The following LRRTM3 variants were observed in gnomAD, a reference collection of about 807,000 sequenced individuals.
The protein encoded by LRRTM3 is leucine-rich repeat transmembrane neuronal protein 3.
In LRRTM3, 24 loss-of-function variants were observed where a neutral mutation model predicts 44.7. The observed-to-expected ratio is 0.54, with a 90% CI of 0.39 to 0.76. The LOEUF (loss-of-function observed/expected upper bound fraction) is 0.76, where lower values mean the gene tolerates loss of function less well. Ranked by LOEUF, LRRTM3 falls within the 30% of genes least tolerant of loss-of-function variation. LRRTM3 has a pLI of 0.00. For synonymous variants in LRRTM3, 277 were observed against 278.7 expected (o/e 0.99, Z 0.06); for missense variants, 587 against 702.2 (o/e 0.84, Z 1.85).
intron 2 of LRRTM3, among the ~76,000 whole-genome samples, chr10:66,943,415 C>T (rs1427788572): frequency 2.0e-5 from 3 of 151,838 alleles, no homozygotes; most frequent in Non-Finnish European, 4.4e-5. Context: ...AAAAGACCAT[C>T]TTTTTATGGT....
chr10:67,079,858 A>AAC (rs199928311), intron 2 of LRRTM3, among the ~76,000 whole-genome samples: 4,882 of 141,140 alleles, frequency 0.035, 120 homozygotes, highest in Admixed American at 0.078. Context: ...AAAAAAACAA[A>AAC]ACACACACAC....
At chr10:66,959,599 T>C (rs1216133959) in intron 2 of LRRTM3, among the ~76,000 whole-genome samples, 1 of 152,112 alleles carries the variant, frequency 6.6e-6, no homozygotes, top group South Asian at 2.1e-4. Context: ...CTGGTGAAAG[T>C]AGATGATTTC....
At chr10:66,938,201 C>T (rs1212732102) in intron 2 of LRRTM3, among the ~76,000 whole-genome samples, 1 of 152,060 alleles carries the variant, frequency 6.6e-6, no homozygotes, top group Non-Finnish European at 1.5e-5. Context: ...CACTTTTTCA[C>T]TATGTACACT....
chr10:67,052,314 C>CTCTG (rs1491225688), intron 2 of LRRTM3, among the ~76,000 whole-genome samples: 2 of 27,414 alleles, frequency 7.3e-5, no homozygotes, highest in African/African-American at 2.7e-4. Flanking sequence ...CCACTCATCA[C>CTCTG]TCTCTCTCTC....
intron 2 of LRRTM3, among the ~76,000 whole-genome samples, chr10:67,000,306 G>A (rs1305404473): frequency 6.6e-6 from 1 of 152,192 alleles, no homozygotes; most frequent in African/African-American, 2.4e-5. Flanking sequence ...AGTGATTGAG[G>A]TAAGAAAAGG....
intron 2 of LRRTM3, among the ~76,000 whole-genome samples, chr10:67,031,538 A>G (rs1379460167): frequency 1.3e-5 from 2 of 152,212 alleles, no homozygotes; most frequent in African/African-American, 2.4e-5. Context: ...TAATGTCACT[A>G]AAAGACTGAC....
intron 2 of LRRTM3, among the ~76,000 whole-genome samples, chr10:67,066,035 A>T (rs1331977134): frequency 6.6e-6 from 1 of 152,010 alleles, no homozygotes; most frequent in Non-Finnish European, 1.5e-5. Context: ...CATTTTAGAG[A>T]ACTGATGATC....
chr10:67,084,020 T>G (rs4745926), intron 2 of LRRTM3, among the ~76,000 whole-genome samples: 116,088 of 152,076 alleles, frequency 0.76, 44,983 homozygotes, highest in Middle Eastern at 0.9. Flanking sequence ...AGGAAGAGGT[T>G]CGTTGCTTTG....
intron 2 of LRRTM3, among the ~76,000 whole-genome samples, chr10:66,972,093 G>A (rs1382831630): frequency 6.6e-6 from 1 of 151,930 alleles, no homozygotes; most frequent in Non-Finnish European, 1.5e-5. Context: ...TTTAAGCTTT[G>A]TTTAGTGTTG....
chr10:66,991,456 T>C (rs1564816953), intron 2 of LRRTM3, among the ~76,000 whole-genome samples: 1 of 152,214 alleles, frequency 6.6e-6, no homozygotes, highest in East Asian at 1.9e-4. Flanking sequence ...TCTCTATTTA[T>C]TTTGATTTTT....
intron 2 of LRRTM3, among the ~76,000 whole-genome samples, chr10:66,986,908 A>T (rs1850758859): frequency 6.6e-6 from 1 of 152,148 alleles, no homozygotes; most frequent in East Asian, 1.9e-4. Flanking sequence ...AATAGCCAAA[A>T]ATCACTGTCT....
intron 2 of LRRTM3, among the ~76,000 whole-genome samples, chr10:67,056,894 G>A (rs1855465196): frequency 1.3e-5 from 2 of 152,146 alleles, no homozygotes; most frequent in Non-Finnish European, 2.9e-5. Context: ...GAGAGAGCAA[G>A]GATTATGTGG....
intron 2 of LRRTM3, among the ~76,000 whole-genome samples, chr10:67,047,433 G>A (rs1854822765): frequency 6.6e-6 from 1 of 152,086 alleles, no homozygotes; most frequent in South Asian, 2.1e-4. Flanking sequence ...AAGTGTGAAA[G>A]AAAAACATTA....
chr10:67,041,569 G>A (rs1478704395), intron 2 of LRRTM3, among the ~76,000 whole-genome samples: 2 of 152,054 alleles, frequency 1.3e-5, no homozygotes, highest in African/African-American at 4.8e-5. Flanking sequence ...GTAATTGACT[G>A]GCTCATAAAA....
At chr10:67,087,133 G>A (rs1053045661) in intron 2 of LRRTM3, among the ~76,000 whole-genome samples, 5 of 152,104 alleles carry the variant, frequency 3.3e-5, no homozygotes, top group African/African-American at 9.6e-5. Flanking sequence ...GCAGGCACTG[G>A]GCTGTGCAGA....
chr10:66,989,487 A>G (rs185669490), intron 2 of LRRTM3, among the ~76,000 whole-genome samples: 244 of 152,320 alleles, frequency 1.6e-3, no homozygotes, highest in African/African-American at 5.0e-3. Context: ...AGTGCTGCAG[A>G]TGCCACACTA....
intron 2 of LRRTM3, among the ~76,000 whole-genome samples, chr10:66,949,501 T>C (rs948460151): frequency 6.6e-6 from 1 of 151,526 alleles, no homozygotes; most frequent in African/African-American, 2.4e-5. Context: ...GAGGTTGCAG[T>C]GAGCCAAGAT....
chr10:67,050,187 G>T (rs1439325969), intron 2 of LRRTM3, among the ~76,000 whole-genome samples: 1 of 152,186 alleles, frequency 6.6e-6, no homozygotes, highest in Non-Finnish European at 1.5e-5. Flanking sequence ...TGTAGAACAT[G>T]CCCTGAAGAA....
At chr10:67,088,787 C>A (rs1278255631) in intron 2 of LRRTM3, among the ~76,000 whole-genome samples, 1 of 151,984 alleles carries the variant, frequency 6.6e-6, no homozygotes, top group African/African-American at 2.4e-5. Context: ...ATTCTCGTTA[C>A]AGACACTTGA....
Sources: gnomAD v4.1 joint callset for allele counts (sites outside exome capture counted in the v4.1 genomes callset) on GRCh38, gnomAD v4.1.1 for gene constraint, MANE v1.5 for transcripts, NCBI Gene and HGNC (gene_info 2026-07-23, HGNC 2026-07-21) for gene names.